Variants in SLC13A4 observed in about 807,000 individuals in gnomAD.
SLC13A4 encodes Na(+)/sulfate cotransporter SUT-1.
A neutral mutation model predicts 72.7 loss-of-function variants in SLC13A4; 28 were observed. The ratio of observed to expected loss-of-function variants is 0.39; its 90% CI spans 0.29 to 0.53. The LOEUF is 0.53. Ranked by LOEUF, SLC13A4 falls within the 20% of genes least tolerant of loss-of-function variation. SLC13A4 has a pLI of 0.78. For synonymous variants in SLC13A4, 312 were observed against 325.5 expected, an observed-to-expected ratio of 0.96 and a Z score of 0.45; for missense variants, 653 against 788.0, an observed-to-expected ratio of 0.83 and a Z score of 2.05.
At chr7:135,694,652 C>T (rs991671384) in intron 9 of SLC13A4, among the ~76,000 whole-genome samples, 1 of 152,118 alleles carries the variant, frequency 6.6e-6, no homozygotes, top group African/African-American at 2.4e-5. Context: ...ATTTTTACTC[C>T]AGAGAAGCTT....
At chr7:135,689,793 G>A (rs28547521) in intron 13 of SLC13A4, among the ~76,000 whole-genome samples, 4,491 of 152,142 alleles carry the variant, frequency 0.03, 226 homozygotes, top group African/African-American at 0.1. Flanking sequence ...CTCACCATGG[G>A]CAGGAGATAG....
At chr7:135,705,432 G>A in intron 5 of SLC13A4, 164 bp downstream of exon 5, 1 of 591,654 alleles carries the variant, frequency 1.7e-6, no homozygotes, top group Admixed American at 2.8e-5. Context: ...CCTAGGTATG[G>A]AGAGGAAATG....
In SLC13A4 at chr7:135,726,344, A is replaced by G. The variant is rs184075546; in HGVS notation, c.99+1054T>C. On this transcript the variant is annotated intron_variant, in intron 1 of 15. Coordinates refer to ENST00000682651, the MANE Select transcript of SLC13A4 (RefSeq NM_001318192.2). Reference sequence around the variant, plus strand: ...CCTGGCACTCTGGAGTATTTATTCTATGAAAGATTTAAGCCAGTTTGTTTT... The same window carrying G: ...CCTGGCACTCTGGAGTATTTATTCTGTGAAAGATTTAAGCCAGTTTGTTTT... Among the ~76,000 whole-genome samples, 18 of 152,322 alleles carry G rather than the reference A, an allele frequency of 1.2e-4. No homozygotes were observed. The East Asian group carries it at 3.3e-3, about 28-fold the overall frequency.
chr7:135,683,488 G>A (rs3110792), intron 15 of SLC13A4: 38 of 973,316 alleles, frequency 3.9e-5, no homozygotes, highest in Admixed American at 1.9e-4. Flanking sequence ...CTCCCCCCCC[G>A]CTCAGCCCTG....
In SLC13A4 at chr7:135,701,747, A is replaced by T; in HGVS notation, c.647T>A (p.Val216Glu). 6.2e-7 allele frequency: 1 copy of T among 1,613,824 alleles called. No individual in the cohort carries two copies. The change falls in exon 7 of 16, where the codon GTG becomes GAG. Residue 216 changes from valine to glutamate, a missense_variant. Val to Glu is a moderately radical substitution (Grantham distance 121, BLOSUM62 -2). Coordinates refer to ENST00000682651, the MANE Select transcript of SLC13A4 (RefSeq NM_001318192.2). ...TLMHNENLNGVPSITNPIKTA... is the reference protein window; with the variant it reads ...TLMHNENLNGEPSITNPIKTA... ...TTTGATGGGGTTGGTGATCGAGGGC[A>T]CACCATTCAGGTTCTGTTGGGACAA...
Position 135,690,056 on chromosome 7 carries a change from T to C in SLC13A4, c.1446+1145A>G, listed in dbSNP as rs188920425. Among the ~76,000 whole-genome samples, 355 of 151,284 alleles carry C rather than the reference T, an allele frequency of 2.3e-3. 1 individual carries two copies. Among genetic ancestry groups the C allele is most frequent in the African/African-American group, 8.4e-3 (345 of 41,248 alleles). On this transcript the variant is annotated intron_variant, in intron 13 of 15. Transcript: ENST00000682651. ...TTAAGCTGGGTGTGGTGGCGTGTGCTTGTGATCCCAGCTATTTGGGAGGCT... is the reference window on the plus strand; with the variant it reads ...TTAAGCTGGGTGTGGTGGCGTGTGCCTGTGATCCCAGCTATTTGGGAGGCT...
chr7:135,684,388 A>G (rs1206300248), intron 14 of SLC13A4, 127 bp from the exon 15 acceptor site: 75 of 1,110,508 alleles, frequency 6.8e-5, no homozygotes, highest in Non-Finnish European at 8.3e-5. Flanking sequence ...GTGGAGGGGT[A>G]GTTAGGTCTC....
intron 2 of SLC13A4, among the ~76,000 whole-genome samples, chr7:135,718,791 A>G (rs1796483415): frequency 6.6e-6 from 1 of 152,168 alleles, no homozygotes; most frequent in African/African-American, 2.4e-5. Context: ...GGGGGCTCCT[A>G]AAGAGCACCA....
At chr7:135,719,923 C>A in intron 2 of SLC13A4, among the ~76,000 whole-genome samples, 2 of 100,250 alleles carry the variant, frequency 2.0e-5, no homozygotes, top group African/African-American at 4.1e-5. Flanking sequence ...AGAGACGGGC[C>A]CAGGGGGAGA....
At chr7:135,695,698 G>T (rs1291101127) in intron 8 of SLC13A4, among the ~76,000 whole-genome samples, 1 of 152,128 alleles carries the variant, frequency 6.6e-6, no homozygotes, top group Non-Finnish European at 1.5e-5. Flanking sequence ...GCTAAAAAAA[G>T]GAATCAAAAC....
At chr7:135,724,650 G>C (rs1454895771) in intron 1 of SLC13A4, among the ~76,000 whole-genome samples, 1 of 152,148 alleles carries the variant, frequency 6.6e-6, no homozygotes, top group Non-Finnish European at 1.5e-5. Flanking sequence ...CATGCGACTA[G>C]GTTACTGGAA....
intron 11 of SLC13A4, 84 bp from the exon 12 acceptor site, chr7:135,691,729 A>G (rs1224008867): frequency 9.9e-6 from 9 of 911,646 alleles, no homozygotes; most frequent in Admixed American, 4.3e-5. Context: ...CTGTCCGAAC[A>G]CAGTGCCTCT....
At chr7:135,696,415 C>A (rs1795906196) in intron 8 of SLC13A4, among the ~76,000 whole-genome samples, 1 of 152,028 alleles carries the variant, frequency 6.6e-6, no homozygotes, top group Non-Finnish European at 1.5e-5. Flanking sequence ...GTGGTATGAT[C>A]TCAGCTCACT....
At chr7:135,681,803 T>A (rs1390870613) in intron 15 of SLC13A4, 103 bp from the exon 16 acceptor site, 2 of 1,493,018 alleles carry the variant, frequency 1.3e-6, no homozygotes, top group Non-Finnish European at 1.8e-6. Context: ...TGGCCCAGAT[T>A]AGTTCCCAGT....
rs1795504856 is a variant in SLC13A4 at position 135,681,647 on chromosome 7, G to T, written c.1800C>A (p.Ala600=). The change falls in exon 16 of 16, where the codon GCC becomes GCA. Residue 600 remains alanine (A), a synonymous_variant. Transcript: ENST00000682651. ...NVIGLVIVMV[A]INTWGVSLFH... ...AGAGGCTAACTCCCCAGGTGTTGAT[G>T]GCCACCATTACTATCACCAGTCCAA... 1 of 1,613,990 alleles carries T rather than the reference G, an allele frequency of 6.2e-7. No individual in the cohort carries two copies. The highest frequency in any genetic ancestry group is 1.7e-5 in the Admixed American group (1 of 60,000).
At chr7:135,697,137 A>G (rs567453127) in intron 8 of SLC13A4, among the ~76,000 whole-genome samples, 16 of 152,254 alleles carry the variant, frequency 1.1e-4, no homozygotes, top group Non-Finnish European at 1.5e-4. Context: ...ACAGCAGAGC[A>G]TTAAACCAAG....
At chr7:135,688,585 T>C (rs1234885780) in intron 13 of SLC13A4, among the ~76,000 whole-genome samples, 1 of 152,158 alleles carries the variant, frequency 6.6e-6, no homozygotes, top group Non-Finnish European at 1.5e-5. Flanking sequence ...TATTGGCAAT[T>C]ATTTTTCCAG....
intron 3 of SLC13A4, 147 bp from the exon 4 acceptor site, chr7:135,706,447 T>A: frequency 1.4e-6 from 1 of 700,032 alleles, no homozygotes; most frequent in Non-Finnish European, 2.3e-6. Flanking sequence ...GCCATTCAGC[T>A]CTGTACTCCC....
intron 13 of SLC13A4, chr7:135,688,906 G>C (rs1795705801): frequency 6.6e-6 from 1 of 151,718 alleles, no homozygotes; most frequent in South Asian, 2.1e-4. Context: ...GGTGGCAGGG[G>C]ATAGGGTCTC....
Sources: allele counts gnomAD v4.1 joint callset (sites outside exome capture counted in the v4.1 genomes callset), GRCh38; gene constraint gnomAD v4.1.1; transcripts MANE v1.5; gene names NCBI Gene and HGNC (gene_info 2026-07-23, HGNC 2026-07-21).